ATR: variants seen among roughly 807,000 people sequenced by gnomAD.
ATR encodes ATR checkpoint kinase.
ATR carries 142 observed loss-of-function variants against 305.3 expected under a neutral mutation model. That is an observed-to-expected ratio of 0.47 (90% CI 0.41 to 0.53). ATR has a LOEUF of 0.53. Among genes scored for constraint, ATR ranks in the 20% least tolerant of loss-of-function variants. The probability of loss-of-function intolerance (pLI) is 0.00; values close to 1 mark genes in which losing one functional copy is unlikely to be tolerated. For synonymous variants in ATR, 1,050 were observed against 1,068.1 expected (o/e 0.98, Z 0.33); for missense variants, 2,135 against 3,133.1 (o/e 0.68, Z 7.60).
At chr3:142,564,709 T>A (rs2035005025) in intron 3 of ATR, among the ~76,000 whole-genome samples, 1 of 152,214 alleles carries the variant, frequency 6.6e-6, no homozygotes, top group South Asian at 2.1e-4. Flanking sequence ...AAAAGGTTCA[T>A]TAAATAGTAC....
chr3:142,532,196 C>G (rs1049828397), intron 21 of ATR, among the ~76,000 whole-genome samples: 19 of 152,214 alleles, frequency 1.2e-4, no homozygotes, highest in Non-Finnish European at 2.2e-4. Flanking sequence ...GTCACTCACG[C>G]TGGGAGCTGT....
At chr3:142,519,507 G>A (rs1464361181) in intron 24 of ATR, among the ~76,000 whole-genome samples, 162 bp downstream of exon 24, 1 of 151,926 alleles carries the variant, frequency 6.6e-6, no homozygotes, top group East Asian at 1.9e-4. Context: ...TCACCATGTT[G>A]GTCAGGCTGA....
At chr3:142,570,482 GTTCAAGCGA>G (rs1314965799) in intron 1 of ATR, among the ~76,000 whole-genome samples, 2 of 152,190 alleles carry the variant, frequency 1.3e-5, no homozygotes, top group Non-Finnish European at 2.9e-5. Context: ...CGCCTCCTGG[GTTCAAGCGA>G]TTCTCCTGCC....
rs1347552893 is a variant in ATR, at chr3:142,503,373, C to A, written c.5277G>T (p.Val1759=). ...TTATAAAATATTACCTGTTAGCATG[C>A]ACTCCATTCACCTGAGTGATAACAG... ...LSTVITQVNG[V]HANRSEWTDE... is the part of the protein sequence containing the mutation. Residue 1759 remains valine (V), a synonymous_variant, in exon 30 of 47, where the codon GTG becomes GTT. Transcript: ENST00000350721. 1 of 1,602,586 alleles carries A rather than the reference C, an allele frequency of 6.2e-7. No homozygotes were observed. The highest frequency in any genetic ancestry group is 1.1e-5 in the South Asian group (1 of 90,660).
At chr3:142,535,724 A>C (rs1285157892) in intron 20 of ATR, among the ~76,000 whole-genome samples, 3 of 152,136 alleles carry the variant, frequency 2.0e-5, no homozygotes, top group Admixed American at 2.0e-4. Flanking sequence ...TTCACATCTG[A>C]CATTTCTATA....
chr3:142,498,869 A>G, intron 31 of ATR, 95 bp from the exon 32 acceptor site: 1 of 1,237,376 alleles, frequency 8.1e-7, no homozygotes, highest in Non-Finnish European at 1.2e-6. Flanking sequence ...GAAATATCAA[A>G]CAGGTGGCTT....
At chr3:142,509,397 C>G (rs926472052) in intron 27 of ATR, among the ~76,000 whole-genome samples, 7 of 151,968 alleles carry the variant, frequency 4.6e-5, no homozygotes, top group African/African-American at 1.7e-4. Flanking sequence ...CTCCTGAGCT[C>G]AAGTGATCCT....
At chr3:142,451,622 C>A in intron 46 of ATR, 1 of 1,262,616 alleles carries the variant, frequency 7.9e-7, no homozygotes, top group South Asian at 1.5e-5. Flanking sequence ...CTCTGTTGCC[C>A]AGGCTGGAGT....
intron 16 of ATR, 103 bp from the exon 17 acceptor site, chr3:142,542,860 G>A (rs2034104837): frequency 4.3e-6 from 4 of 933,290 alleles, no homozygotes; most frequent in Non-Finnish European, 6.6e-6. Flanking sequence ...TACCTAACTA[G>A]ATTAGCATAT....
Position 142,568,130 on chromosome 3 carries a change from T to C in ATR, c.84A>G (p.Thr28=), listed in dbSNP as rs1366026744. 1.2e-6 allele frequency: 2 copies of C among 1,612,424 alleles called. No individual in the cohort carries two copies. Among genetic ancestry groups the C allele is most frequent in the Non-Finnish European group, 1.7e-6 (2 of 1,178,662 alleles). The change falls in exon 2 of 47, where the codon ACA becomes ACG. Residue 28 remains threonine (T), a synonymous_variant. Coordinates refer to ENST00000350721, the MANE Select transcript of ATR (RefSeq NM_001184.4). The part of the protein sequence containing the change: ...LGSATPEEYN[T]VVQKPRQILC... Reference sequence around the variant, plus strand: ...GAATTTGTCTTGGCTTCTGTACAACTGTATTATATTCCTCTGGTGTGGCAC... The same window carrying C: ...GAATTTGTCTTGGCTTCTGTACAACCGTATTATATTCCTCTGGTGTGGCAC...
At position 142,538,564 on chromosome 3, in the gene ATR, C is replaced by T. The variant is rs1350034295; in HGVS notation, c.3643G>A (p.Val1215Ile). 2 of 1,613,534 alleles carry T rather than the reference C, an allele frequency of 1.2e-6. No homozygotes were observed. Among genetic ancestry groups the T allele is most frequent in the African/African-American group, 1.3e-5 (1 of 75,014 alleles). ...ATAAGAGGTAACAAAGCTACTATTA[C>T]ATGACTGAGAAGGGAGCCCAGACAA... ...HACLGSLLSH[V>I]IVALLPLIHI... Residue 1215 changes from valine (V) to isoleucine (I), a missense_variant, in exon 19 of 47, where the codon GTA becomes ATA. Around this residue, in one of 9 missense-constraint regions of ATR, gnomAD observed 530 missense variants for 766.8 expected, o/e 0.69. Transcript: ENST00000350721.
Position 142,453,117 on chromosome 3 carries a change from C to T in ATR, c.7761+11G>A, listed in dbSNP as rs187437146. ...GACTACAGCCCATATCAAGCTATAC[C>T]TTCTACTAACCTTTTCATTGACAAC... is the stretch of plus-strand genomic sequence containing the variant. On this transcript the variant is annotated intron_variant, in intron 46 of 46. Coordinates refer to ENST00000350721, the MANE Select transcript of ATR (RefSeq NM_001184.4). 2 of 1,614,016 alleles carry T rather than the reference C, an allele frequency of 1.2e-6. No individual in the cohort carries two copies. Among genetic ancestry groups the T allele is most frequent in the East Asian group, 2.2e-5 (1 of 44,852 alleles).
intron 46 of ATR, 63 bp downstream of exon 46, chr3:142,453,065 C>T (rs1329288322): frequency 6.2e-7 from 1 of 1,608,070 alleles, no homozygotes; most frequent in Admixed American, 1.7e-5. Flanking sequence ...ACTATAGCTG[C>T]ATATCAAGTT....
Position 142,449,409 on chromosome 3 carries a change from TTC to T in ATR, c.*18_*19del. ...GCATTACTTTTAGATTATTAACATA[TTC>T]TTTTACATAATTTCATTTCACATAT... On this transcript the variant is annotated 3_prime_UTR_variant, in exon 47 of 47. Transcript: ENST00000350721. 6.3e-7 allele frequency: 1 copy of T among 1,578,580 alleles called. No homozygotes were observed. Among genetic ancestry groups the T allele is most frequent in the South Asian group, 1.1e-5 (1 of 90,256 alleles).
rs761263362 is a variant in ATR at position 142,519,757 on chromosome 3, C to G, written c.4294G>C (p.Glu1432Gln). ...TGACCTGGGCCGTTGGTCTCCATCT[C>G]TCTACAGTCATAAATAGAAAGCAAC... is the stretch of plus-strand genomic sequence containing the variant. Reference protein sequence around the residue: ...QELLSIYDCREMETNGPGHQL... With the variant: ...QELLSIYDCRQMETNGPGHQL... The change falls in exon 24 of 47, where the codon GAG (glutamate) becomes CAG (glutamine). Residue 1432 changes from glutamate to glutamine, a missense_variant. This residue lies in a region of ATR where 202 missense variants were observed against 252.9 expected (regional missense o/e 0.80). Transcript: ENST00000350721. 1 of 1,613,790 alleles carries G rather than the reference C, an allele frequency of 6.2e-7. No individual in the cohort carries two copies. Among genetic ancestry groups the G allele is most frequent in the African/African-American group, 1.3e-5 (1 of 75,042 alleles).
Position 142,541,047 on chromosome 3 carries a change from G to A in ATR, c.3451-13C>T. 6.2e-7 allele frequency: 1 copy of A among 1,613,310 alleles called. No individual in the cohort carries two copies. The highest frequency in any genetic ancestry group is 8.5e-7 in the Non-Finnish European group (1 of 1,179,432). On this transcript the variant is annotated splice_polypyrimidine_tract_variant and intron_variant, in intron 17 of 46. Coordinates refer to ENST00000350721, the MANE Select transcript of ATR (RefSeq NM_001184.4). ...AACTGTTCAAGGCCTATAGAGTTAAGTAGTGCTTCAGAGTAAAGCTTATAA... is the reference window on the plus strand; with the variant it reads ...AACTGTTCAAGGCCTATAGAGTTAAATAGTGCTTCAGAGTAAAGCTTATAA...
rs770913815 is a variant in ATR at position 142,469,473 on chromosome 3, A to G, written c.6416T>C (p.Leu2139Ser). The part of the protein sequence containing the change: ...HTNYLAPYQF[L>S]TAFSQLISRI... ...AGAGATCAATTGTGAAAAAGCAGTCAAAAATTGATATGGAGCTAAATAGTT... is the reference window on the plus strand; with the variant it reads ...AGAGATCAATTGTGAAAAAGCAGTCGAAAATTGATATGGAGCTAAATAGTT... Residue 2139 changes from leucine (L) to serine (S), a missense_variant, in exon 38 of 47, where the codon TTG (leucine) becomes TCG (serine). By Grantham distance (145) the Leu-to-Ser change is moderately radical. Transcript: ENST00000350721. 1.2e-6 allele frequency: 2 copies of G among 1,613,790 alleles called. No homozygotes were observed. Among genetic ancestry groups the G allele is most frequent in the Admixed American group, 3.3e-5 (2 of 59,990 alleles).
chr3:142,573,014 G>A (rs915363013), intron 1 of ATR, among the ~76,000 whole-genome samples: 1 of 152,154 alleles, frequency 6.6e-6, no homozygotes, highest in African/African-American at 2.4e-5. Context: ...GTCCTAAAGT[G>A]CCATTAGACC....
intron 46 of ATR, chr3:142,451,222 C>T (rs1307681309): frequency 5.9e-6 from 7 of 1,188,642 alleles, no homozygotes; most frequent in African/African-American, 4.8e-5. Flanking sequence ...TGATGCTGCA[C>T]ATCCAGATGC....
Sources: allele counts gnomAD v4.1 joint callset (sites outside exome capture counted in the v4.1 genomes callset), GRCh38; gene constraint gnomAD v4.1.1; regional missense constraint gnomAD v4.1.1; transcripts MANE v1.5; gene names NCBI Gene and HGNC (gene_info 2026-07-23, HGNC 2026-07-21).